Variants in ALDH1A1 observed in about 807,000 individuals in gnomAD.
The protein encoded by ALDH1A1 is aldehyde dehydrogenase 1A1.
ALDH1A1 carries 19 observed loss-of-function variants against 62.1 expected under a neutral mutation model. That is an observed-to-expected ratio of 0.31 (90% confidence interval 0.21 to 0.45). ALDH1A1 has a LOEUF of 0.45. ALDH1A1 is among the 20% of genes least tolerant of loss of function. The pLI is 1.00. For missense variants in ALDH1A1, 521 were observed against 607.1 expected (o/e 0.86, Z 1.49); for synonymous variants, 231 against 215.9 (o/e 1.07, Z -0.61).
At chr9:72,909,905 G>C (rs1829960534) in intron 10 of ALDH1A1, 146 bp from the exon 11 acceptor site, 1 of 605,396 alleles carries the variant, frequency 1.7e-6, no homozygotes, top group African/African-American at 1.9e-5. Flanking sequence ...AATCCAAATA[G>C]GTAACTGCAA....
Position 72,917,091 on chromosome 9 carries a change from A to T in ALDH1A1, c.864T>A (p.Val288=). The T allele has an allele frequency of 6.2e-7, 1 of 1,602,340 alleles. No individual in the cohort carries two copies. Among genetic ancestry groups the T allele is most frequent in the Non-Finnish European group, 8.5e-7 (1 of 1,173,852 alleles). ...VLADADLDNA[V]EFAHHGVFYH... ...AGAATACCCCATGGTGTGCAAATTCAACAGCATTGTCCACTGCGAAGAAGA... is the reference window on the plus strand; with the variant it reads ...AGAATACCCCATGGTGTGCAAATTCTACAGCATTGTCCACTGCGAAGAAGA... The change falls in exon 9 of 13, where the codon GTT becomes GTA. Residue 288 remains valine (V), a synonymous_variant. Transcript: ENST00000297785.
rs1564627725 is a variant in ALDH1A1 at position 72,916,939 on chromosome 9, C to G, written c.1016G>C (p.Gly339Ala). 6.2e-7 allele frequency: 1 copy of G among 1,611,562 alleles called. No homozygotes were observed. Among genetic ancestry groups the G allele is most frequent in the East Asian group, 2.2e-5 (1 of 44,738 alleles). ...KYILGNPLTP[G>A]VTQGPQIDKE... ...ACTTACCTGAGGGCCTTGAGTGACT[C>G]CTGGGGTCAGAGGATTTCCAAGGAT... is the stretch of plus-strand genomic sequence containing the variant. Residue 339 changes from glycine (G) to alanine (A), a missense_variant, in exon 9 of 13, where the codon GGA (glycine) becomes GCA (alanine). Gly to Ala is a moderately conservative substitution (Grantham distance 60). Transcript: ENST00000297785.
intron 1 of ALDH1A1, chr9:72,942,440 C>T (rs1830425609): frequency 4.4e-6 from 4 of 899,984 alleles, no homozygotes; most frequent in African/African-American, 1.8e-5. Flanking sequence ...CCCTAGGTAC[C>T]CTTTTGTATC....
intron 11 of ALDH1A1, among the ~76,000 whole-genome samples, chr9:72,906,344 T>C (rs895816637): frequency 2.6e-5 from 4 of 152,166 alleles, no homozygotes; most frequent in Admixed American, 2.6e-4. Context: ...GGGAAAGATA[T>C]GGTTTGCTAG....
At chr9:72,927,081 T>G in intron 5 of ALDH1A1, 35 bp downstream of exon 5, 2 of 1,484,162 alleles carry the variant, frequency 1.3e-6, no homozygotes, top group Non-Finnish European at 1.8e-6. Flanking sequence ...AACTCTTCTT[T>G]TTAAAATTGA....
chr9:72,921,949 G>T (rs917141368), intron 7 of ALDH1A1, among the ~76,000 whole-genome samples: 1 of 152,178 alleles, frequency 6.6e-6, no homozygotes, highest in East Asian at 1.9e-4. Context: ...GAACGTGTGG[G>T]AGCAAGTTTA....
chr9:72,952,274 C>T (rs375505880), intron 1 of ALDH1A1, among the ~76,000 whole-genome samples: 2 of 151,882 alleles, frequency 1.3e-5, no homozygotes, highest in African/African-American at 2.4e-5. Context: ...TTCCTAGTTC[C>T]CCCCAGCTGC....
intron 6 of ALDH1A1, 22 bp from the exon 7 acceptor site, chr9:72,924,154 A>T (rs1351736225): frequency 6.5e-7 from 1 of 1,549,788 alleles, no homozygotes; most frequent in Admixed American, 1.8e-5. Context: ...AAAGTTTAAA[A>T]GTTACAGTAT....
At chr9:72,940,306 T>G in intron 1 of ALDH1A1, 54 bp from the exon 2 acceptor site, 1 of 1,401,694 alleles carries the variant, frequency 7.1e-7, no homozygotes, top group Non-Finnish European at 1.0e-6. Flanking sequence ...CAGAAAATTT[T>G]GGAAGTTTTC....
intron 11 of ALDH1A1, among the ~76,000 whole-genome samples, chr9:72,907,603 T>C (rs1829891819): frequency 6.6e-6 from 1 of 152,248 alleles, no homozygotes; most frequent in Non-Finnish European, 1.5e-5. Context: ...ACTATTTTAC[T>C]GTGAATTAAC....
At chr9:72,942,636 G>A (rs1400559061) in intron 1 of ALDH1A1, among the ~76,000 whole-genome samples, 1 of 152,078 alleles carries the variant, frequency 6.6e-6, no homozygotes, top group Non-Finnish European at 1.5e-5. Flanking sequence ...GGTGGTTCAC[G>A]ATCTTGCTCC....
At chr9:72,914,216 C>A (rs1040559490) in intron 9 of ALDH1A1, among the ~76,000 whole-genome samples, 2 of 152,146 alleles carry the variant, frequency 1.3e-5, no homozygotes, top group Admixed American at 1.3e-4. Flanking sequence ...TGGGAAAAAG[C>A]ACTTACATGT....
intron 1 of ALDH1A1, among the ~76,000 whole-genome samples, chr9:72,949,504 G>A (rs895259865): frequency 7.9e-5 from 12 of 151,830 alleles, no homozygotes; most frequent in Non-Finnish European, 1.5e-4. Context: ...TTACATAGCC[G>A]CTCTGTTCCT....
chr9:72,908,379 G>A (rs1280611134), intron 11 of ALDH1A1, among the ~76,000 whole-genome samples: 2 of 121,252 alleles, frequency 1.6e-5, no homozygotes, highest in African/African-American at 6.4e-5. Context: ...AGGTTGCAGT[G>A]ATCCAAGATC....
At position 72,900,809 on chromosome 9, in the gene ALDH1A1, G is replaced by T. The variant is rs1184495703; in HGVS notation, c.*399C>A. The T allele has an allele frequency of 6.3e-6, 1 of 159,300 alleles. No homozygotes were observed. The highest frequency in any genetic ancestry group is 1.7e-4 in the East Asian group (1 of 5,738). 9.9% of individuals were successfully genotyped at this position (159,300 alleles called of 1,614,324 possible). ...AAGGACTTTATAACTACTGGGAACA[G>T]AGCAATTTACTCTGCAGTTAACGTG... On this transcript the variant is annotated 3_prime_UTR_variant, in exon 13 of 13. Transcript: ENST00000297785.
intron 11 of ALDH1A1, among the ~76,000 whole-genome samples, chr9:72,908,875 T>C (rs1490636888): frequency 1.3e-5 from 2 of 151,740 alleles, no homozygotes; most frequent in Non-Finnish European, 2.9e-5. Context: ...AGAGGGAGGG[T>C]ATCTTCAAAA....
rs7870836 is a variant in ALDH1A1, at chr9:72,951,306, G to A, written c.66+1629C>T. Among the ~76,000 whole-genome samples the A allele has an allele frequency of 6.3e-3, 957 of 151,794 alleles. 16 individuals carry two copies. The highest frequency in any genetic ancestry group is 0.022 in the African/African-American group (906 of 41,434). On this transcript the variant is annotated intron_variant, in intron 1 of 12. Coordinates refer to ENST00000297785, the MANE Select transcript of ALDH1A1 (RefSeq NM_000689.5). ...TCTGTGCTTGTATGTTAGATTTTTAGGACCATCTCATTTGTCTAGTACCGC... is the reference window on the plus strand; with the variant it reads ...TCTGTGCTTGTATGTTAGATTTTTAAGACCATCTCATTTGTCTAGTACCGC...
At chr9:72,933,813 G>A (rs1830314890) in intron 2 of ALDH1A1, among the ~76,000 whole-genome samples, 1 of 151,940 alleles carries the variant, frequency 6.6e-6, no homozygotes, top group Non-Finnish European at 1.5e-5. Context: ...TCTCTCAATA[G>A]AGGGAGATTC....
rs748076565 is a variant in ALDH1A1, at chr9:72,930,982, G to A, written c.209C>T (p.Ala70Val). The A allele has an allele frequency of 7.4e-6, 12 of 1,613,990 alleles. No homozygotes were observed. The highest frequency in any genetic ancestry group is 8.5e-6 in the Non-Finnish European group (10 of 1,179,946). The change falls in exon 3 of 13, where the codon GCT (alanine) becomes GTT (valine). Residue 70 changes from alanine (A) to valine (V), a missense_variant. Physicochemically the swap from Ala to Val is moderately conservative, Grantham distance 64. Transcript: ENST00000297785. ...ACGCCACGGGGATCCAATCTGAAAA[G>A]CCTGTCTTGCGGCCTTCACTGCCTT... Reference protein sequence around the residue: ...VDKAVKAARQAFQIGSPWRTM... With the variant: ...VDKAVKAARQVFQIGSPWRTM...
Sources: gnomAD v4.1 joint callset for allele counts (sites outside exome capture counted in the v4.1 genomes callset) on GRCh38, gnomAD v4.1.1 for gene constraint, MANE v1.5 for transcripts, NCBI Gene and HGNC (gene_info 2026-07-23, HGNC 2026-07-21) for gene names.